ANXA8: variants seen among roughly 807,000 people sequenced by gnomAD.
The protein encoded by ANXA8 is annexin A8.
ANXA8 carries 9 observed loss-of-function variants against 26.8 expected under a neutral mutation model. The observed-to-expected ratio is 0.34, with a 90% CI of 0.20 to 0.59. The LOEUF is 0.59. ANXA8 is among the 20% of genes least tolerant of loss of function. The pLI is 0.84. For missense variants in ANXA8, 83 were observed against 238.5 expected, an observed-to-expected ratio of 0.35 and a Z score of 4.29; for synonymous variants, 39 against 94.8, an observed-to-expected ratio of 0.41 and a Z score of 3.42.
upstream of ANXA8, among the ~76,000 whole-genome samples, chr10:47,485,043 G>A (rs1763651285): frequency 6.7e-6 from 1 of 149,444 alleles, no homozygotes; most frequent in African/African-American, 2.5e-5. Flanking sequence ...CCCTGTATAT[G>A]CAATATTTGT....
At chr10:47,675,410 G>A in the ANXA8 span, among the ~76,000 whole-genome samples, 21 of 151,802 alleles carry the variant, frequency 1.4e-4, no homozygotes, top group African/African-American at 5.1e-4. Flanking sequence ...TACTCCCACA[G>A]TTTTAAAAAT....
At chr10:47,736,743 C>T in the ANXA8 span, among the ~76,000 whole-genome samples, 1 of 145,180 alleles carries the variant, frequency 6.9e-6, no homozygotes, top group Non-Finnish European at 1.5e-5. Flanking sequence ...CAACATCTGC[C>T]TCCTGGGTTC....
chr10:47,973,623 C>G, the ANXA8 span: 1 of 150,902 alleles, frequency 6.6e-6, no homozygotes, highest in South Asian at 2.1e-4. Context: ...CAATTTCAGG[C>G]CTTTAGTGAA....
chr10:47,970,014 G>A, the ANXA8 span: 1 of 151,368 alleles, frequency 6.6e-6, no homozygotes, highest in Admixed American at 6.6e-5. Context: ...CAGTGATGAT[G>A]TCTTAGGAAG....
At chr10:47,533,225 C>CACACACACACACACACACACA in the ANXA8 span, among the ~76,000 whole-genome samples, 16 of 98,590 alleles carry the variant, frequency 1.6e-4, no homozygotes, top group Non-Finnish European at 2.2e-4. Flanking sequence ...ACACACACAC[C>CACACACACACACACACACACA]CCCGCAGACA....
the ANXA8 span, among the ~76,000 whole-genome samples, chr10:47,945,002 C>T: frequency 1.3e-5 from 2 of 150,340 alleles, no homozygotes; most frequent in South Asian, 4.2e-4. Flanking sequence ...TCTGCAGTTT[C>T]CTCTGCCTGG....
chr10:47,505,543 C>CT, the ANXA8 span, among the ~76,000 whole-genome samples: 2 of 133,288 alleles, frequency 1.5e-5, no homozygotes. Context: ...TGAAAAATCA[C>CT]TTTTTTCACA....
the ANXA8 span, among the ~76,000 whole-genome samples, chr10:47,951,534 G>C: frequency 6.6e-6 from 1 of 150,558 alleles, no homozygotes; most frequent in Non-Finnish European, 1.5e-5. Flanking sequence ...CATGCAGCTG[G>C]GCACCATGCT....
chr10:47,735,364 G>T, the ANXA8 span, among the ~76,000 whole-genome samples: 4 of 147,190 alleles, frequency 2.7e-5, 1 homozygote, highest in African/African-American at 1.0e-4. Context: ...CAAAGTGCTA[G>T]GACTATAGGC....
At chr10:47,972,512 A>G in the ANXA8 span, among the ~76,000 whole-genome samples, 5 of 129,722 alleles carry the variant, frequency 3.9e-5, no homozygotes, top group African/African-American at 6.0e-5. Flanking sequence ...TGCCCTCTGC[A>G]AAGTGATGAC....
At chr10:47,593,189 G>T in the ANXA8 span, among the ~76,000 whole-genome samples, 1 of 147,308 alleles carries the variant, frequency 6.8e-6, no homozygotes, top group South Asian at 2.1e-4. Flanking sequence ...GGTAAGCACA[G>T]TGGACTGGTG....
the ANXA8 span, among the ~76,000 whole-genome samples, chr10:47,942,298 C>G: frequency 1.4e-5 from 2 of 145,506 alleles, no homozygotes; most frequent in Admixed American, 1.4e-4. Context: ...AGAGAGCTAC[C>G]CAAAACAAAA....
At chr10:47,511,134 G>A in the ANXA8 span, among the ~76,000 whole-genome samples, 300 of 131,846 alleles carry the variant, frequency 2.3e-3, 38 homozygotes, top group Non-Finnish European at 3.4e-3. Flanking sequence ...TAGTAGAGAC[G>A]GGGTTTCACC....
chr10:47,763,734 G>C, the ANXA8 span: 1 of 149,324 alleles, frequency 6.7e-6, no homozygotes, highest in African/African-American at 2.5e-5. Flanking sequence ...GCCTCGAGGC[G>C]TCTGAGTGGG....
the ANXA8 span, among the ~76,000 whole-genome samples, chr10:47,774,290 C>G: frequency 6.7e-6 from 1 of 148,250 alleles, no homozygotes; most frequent in African/African-American, 2.5e-5. Flanking sequence ...GGTGACCCAG[C>G]CACACCCACC....
chr10:47,744,422 T>TGGGGGGGGAGGGGGGAGGGGGGGGGG, the ANXA8 span, among the ~76,000 whole-genome samples: 1 of 11,728 alleles, frequency 8.5e-5, no homozygotes, highest in Non-Finnish European at 1.5e-4. Flanking sequence ...GGGGGGGGGG[T>TGGGGGGGGAGGGGGGAGGGGGGGGGG]TGGGGGGGAG....
the ANXA8 span, among the ~76,000 whole-genome samples, chr10:47,957,204 T>C: frequency 1.3e-5 from 2 of 150,234 alleles, no homozygotes; most frequent in Non-Finnish European, 2.9e-5. Flanking sequence ...CTTCCTTTTC[T>C]GTCTCAGAGG....
the ANXA8 span, among the ~76,000 whole-genome samples, chr10:47,702,847 T>G: frequency 6.6e-6 from 1 of 150,712 alleles, no homozygotes; most frequent in African/African-American, 2.4e-5. Flanking sequence ...TTGCTCTGGC[T>G]GGTCTCGGAC....
At chr10:47,767,930 C>T in the ANXA8 span, among the ~76,000 whole-genome samples, 3 of 149,056 alleles carry the variant, frequency 2.0e-5, no homozygotes, top group African/African-American at 7.6e-5. Context: ...GCATGCAGCC[C>T]CTGCCCCTGG....
Sources: allele counts gnomAD v4.1 joint callset (sites outside exome capture counted in the v4.1 genomes callset), GRCh38; gene constraint gnomAD v4.1.1; transcripts MANE v1.5; gene names NCBI Gene and HGNC (gene_info 2026-07-23, HGNC 2026-07-21).